NBEA: variants seen among roughly 807,000 people sequenced by gnomAD.
The protein encoded by NBEA is lysosomal-trafficking regulator 2.
A neutral mutation model predicts 343.4 loss-of-function variants in NBEA; 44 were observed. The observed-to-expected ratio is 0.13, with a 90% confidence interval of 0.10 to 0.16. The LOEUF is 0.16. Ranked by LOEUF, NBEA falls within the 10% of genes least tolerant of loss-of-function variation. The pLI is 1.00. For synonymous variants in NBEA, 1,175 were observed against 1,238.7 expected (o/e 0.95, Z 1.08); for missense variants, 2,555 against 3,631.3 (o/e 0.70, Z 7.62).
At chr13:34,962,825 A>T (rs1478260287) in intron 1 of NBEA, among the ~76,000 whole-genome samples, 1 of 152,040 alleles carries the variant, frequency 6.6e-6, no homozygotes, top group Non-Finnish European at 1.5e-5. Flanking sequence ...GTGAAGATTT[A>T]CTTGACTTAT....
intron 36 of NBEA, among the ~76,000 whole-genome samples, chr13:35,347,756 T>G (rs1594301038): frequency 6.6e-6 from 1 of 151,950 alleles, no homozygotes; most frequent in East Asian, 1.9e-4. Flanking sequence ...TTTTTTTCTT[T>G]CTTATGATTC....
intron 1 of NBEA, among the ~76,000 whole-genome samples, chr13:34,971,091 C>T (rs1313092752): frequency 6.6e-6 from 1 of 151,880 alleles, no homozygotes; most frequent in Non-Finnish European, 1.5e-5. Context: ...GATCTTTCAC[C>T]TCCCTAGTTA....
Position 35,568,806 on chromosome 13 carries a change from C to G in NBEA, c.7035+1789C>G, listed in dbSNP as rs1348695396. 2.6e-5 allele frequency among the ~76,000 whole-genome samples: 4 copies of G among 152,152 alleles called. No individual in the cohort carries two copies. The East Asian group carries it at 7.7e-4, about 29-fold the overall frequency. ...TAAGCATCACATCAGTGCTTAAAAA[C>G]TTGGATTTGGGGCATTTGAGATTTC... On this transcript the variant is annotated intron_variant, in intron 45 of 58. Coordinates refer to ENST00000379939, the MANE Select transcript of NBEA (RefSeq NM_001385012.1).
chr13:35,380,586 A>G (rs977797739), intron 38 of NBEA, among the ~76,000 whole-genome samples: 1 of 152,170 alleles, frequency 6.6e-6, no homozygotes, highest in African/African-American at 2.4e-5. Flanking sequence ...TTGACTATGA[A>G]CTTGAGACTG....
intron 10 of NBEA, among the ~76,000 whole-genome samples, chr13:35,097,383 A>T (rs2065391038): frequency 6.6e-6 from 1 of 151,906 alleles, no homozygotes; most frequent in African/African-American, 2.4e-5. Context: ...TAGGTAATTT[A>T]TGGTATATTA....
At chr13:35,187,659 C>T (rs371891169) in intron 30 of NBEA, among the ~76,000 whole-genome samples, 1 of 151,826 alleles carries the variant, frequency 6.6e-6, no homozygotes, top group African/African-American at 2.4e-5. Context: ...TCTTACTGAT[C>T]GTTATTCTTT....
At chr13:35,509,778 C>T (rs142075236) in intron 41 of NBEA, among the ~76,000 whole-genome samples, 214 of 152,196 alleles carry the variant, frequency 1.4e-3, no homozygotes, top group African/African-American at 4.6e-3. Context: ...ATGGACTGAC[C>T]GGCGAACAGT....
intron 38 of NBEA, among the ~76,000 whole-genome samples, chr13:35,382,380 A>G (rs1167490341): frequency 6.6e-6 from 1 of 152,066 alleles, no homozygotes; most frequent in East Asian, 1.9e-4. Context: ...AAATAATGTA[A>G]TTCTATTTTA....
rs1219159730 is a variant in NBEA at position 35,465,289 on chromosome 13, T to G, written c.6449-7111T>G. 3.9e-5 allele frequency among the ~76,000 whole-genome samples: 6 copies of G among 152,278 alleles called. No homozygotes were observed. The East Asian group carries it at 1.2e-3, about 29-fold the overall frequency. ...TTCCACAAACACAGATTGCATACTA[T>G]ATGACAGATACTGTAATAGGTGAAC... On this transcript the variant is annotated intron_variant, in intron 40 of 58. Coordinates refer to ENST00000379939, the MANE Select transcript of NBEA (RefSeq NM_001385012.1).
intron 38 of NBEA, among the ~76,000 whole-genome samples, chr13:35,396,226 C>A (rs1173687169): frequency 4.5e-4 from 68 of 151,946 alleles, no homozygotes; most frequent in Non-Finnish European, 8.8e-5. Flanking sequence ...TTGATCTCTG[C>A]CTTCCAATTA....
At chr13:35,039,887 C>T (rs1387349115) in intron 1 of NBEA, among the ~76,000 whole-genome samples, 1 of 152,068 alleles carries the variant, frequency 6.6e-6, no homozygotes. Context: ...TAACTTTTAG[C>T]CACCTTCAAT....
chr13:34,995,614 C>CA (rs543053769), intron 1 of NBEA, among the ~76,000 whole-genome samples: 179 of 149,476 alleles, frequency 1.2e-3, no homozygotes, highest in Admixed American at 2.9e-3. Context: ...CAGAGTGGGA[C>CA]AAAAAAAAAC....
chr13:34,993,055 T>G (rs1388276799), intron 1 of NBEA, among the ~76,000 whole-genome samples: 1 of 152,126 alleles, frequency 6.6e-6, no homozygotes, highest in East Asian at 1.9e-4. Flanking sequence ...CTGCTACTGT[T>G]GCATTCATTA....
At chr13:35,601,063 G>C (rs1199217784) in intron 47 of NBEA, among the ~76,000 whole-genome samples, 2 of 152,022 alleles carry the variant, frequency 1.3e-5, no homozygotes, top group African/African-American at 4.8e-5. Flanking sequence ...TGTAATCCCA[G>C]CTACTCGGGA....
intron 17 of NBEA, among the ~76,000 whole-genome samples, chr13:35,135,946 A>C (rs1282823961): frequency 6.6e-6 from 1 of 151,834 alleles, no homozygotes; most frequent in Non-Finnish European, 1.5e-5. Context: ...CCAAAACCAC[A>C]AACATTTTAC....
intron 1 of NBEA, among the ~76,000 whole-genome samples, chr13:34,947,517 C>G (rs780200560): frequency 6.6e-6 from 1 of 151,872 alleles, no homozygotes; most frequent in African/African-American, 2.4e-5. Flanking sequence ...ATATACTGAA[C>G]ATATTGTTAT....
In NBEA at chr13:35,070,688, G is replaced by A. The variant is rs146415495; in HGVS notation, c.1438-31G>A. On this transcript the variant is annotated intron_variant, in intron 9 of 58. Transcript: ENST00000379939. ...ATAGTGATGAAATCATTCTATAGAA[G>A]TTTAATAAACATTTTTGTTTTTGGA... 1.0e-3 allele frequency: 1,607 copies of A among 1,541,706 alleles called. 18 individuals are homozygous for A. In the East Asian group the frequency reaches 0.016, roughly 16 times the overall value.
At position 35,433,246 on chromosome 13, in the gene NBEA, A is replaced by G. The variant is rs1311860270; in HGVS notation, c.6304+853A>G. Among the ~76,000 whole-genome samples, 5 of 152,130 alleles carry G rather than the reference A, an allele frequency of 3.3e-5. No homozygotes were observed. The East Asian group carries it at 9.6e-4, about 29-fold the overall frequency. ...TACTTGCCCATTTTTAAATGCTGTA[A>G]CAAGTTAAAGTGTGATGGGGTATAT... On this transcript the variant is annotated intron_variant, in intron 39 of 58. Transcript: ENST00000379939.
At chr13:35,539,682 T>A (rs1007869168) in intron 41 of NBEA, among the ~76,000 whole-genome samples, 5 of 151,270 alleles carry the variant, frequency 3.3e-5, no homozygotes, top group Admixed American at 1.3e-4. Context: ...TTTGGGAGGC[T>A]GAGGCGGGCG....
Sources: allele counts gnomAD v4.1 joint callset (sites outside exome capture counted in the v4.1 genomes callset), GRCh38; gene constraint gnomAD v4.1.1; transcripts MANE v1.5; gene names NCBI Gene and HGNC (gene_info 2026-07-23, HGNC 2026-07-21).